PDSS2: variants seen among roughly 807,000 people sequenced by gnomAD.
PDSS2 encodes the protein decaprenyl diphosphate synthase subunit 2, also known as all trans-polyprenyl-diphosphate synthase PDSS2.
Under a neutral mutation model 44.5 loss-of-function variants are expected in PDSS2, and 31 were observed. The ratio of observed to expected loss-of-function variants is 0.70; its 90% CI spans 0.52 to 0.94. The LOEUF (loss-of-function observed/expected upper bound fraction) is 0.94, where lower values mean the gene tolerates loss of function less well. Ranked by LOEUF, PDSS2 falls within the 40% of genes least tolerant of loss-of-function variation. PDSS2 has a pLI of 0.00. For synonymous variants in PDSS2, 157 were observed against 180.3 expected, an observed-to-expected ratio of 0.87 and a Z score of 1.03; for missense variants, 452 against 482.2, an observed-to-expected ratio of 0.94 and a Z score of 0.59.
rs1771733747 is a variant in PDSS2 at position 107,174,930 on chromosome 6, CTT to C, written c.1041+18890_1041+18891del. 2.0e-5 allele frequency among the ~76,000 whole-genome samples: 3 copies of C among 152,158 alleles called. 1 individual carries two copies. Among genetic ancestry groups the C allele is most frequent in the African/African-American group, 7.2e-5 (3 of 41,542 alleles). ...CCCAGCACTGTTCTAAGATCTCTCT[CTT>C]GGCCAGGTGTGGTGGTTCACGCCAG... On this transcript the variant is annotated intron_variant, in intron 7 of 7. Coordinates refer to ENST00000369037, the MANE Select transcript of PDSS2 (RefSeq NM_020381.4).
chr6:107,280,353 T>A (rs555994167), intron 2 of PDSS2, among the ~76,000 whole-genome samples: 1 of 152,182 alleles, frequency 6.6e-6, no homozygotes, highest in Non-Finnish European at 1.5e-5. Flanking sequence ...TAAGCCACTA[T>A]GCTGGGCCCT....
rs1364421384 is a variant in PDSS2, at chr6:107,212,357, A to C, written c.703-75T>G. The C allele has an allele frequency of 2.4e-6, 3 of 1,242,124 alleles. No homozygotes were observed. In the African/African-American group the frequency reaches 4.5e-5, roughly 19 times the overall value. 76.9% of individuals were successfully genotyped at this position (1,242,124 alleles called of 1,614,324 possible). On this transcript the variant is annotated intron_variant, in intron 4 of 7. Transcript: ENST00000369037. ...ATTGTTTCTGTTTTTGAAGAATAAAAAAGTTAAGAAACGAACTATTCAAAA... is the reference window on the plus strand; with the variant it reads ...ATTGTTTCTGTTTTTGAAGAATAAACAAGTTAAGAAACGAACTATTCAAAA...
At chr6:107,198,489 A>T (rs1395877780) in intron 6 of PDSS2, among the ~76,000 whole-genome samples, 1 of 152,226 alleles carries the variant, frequency 6.6e-6, no homozygotes, top group African/African-American at 2.4e-5. Context: ...TAGCTTGTAC[A>T]TAAAAGTATC....
At chr6:107,336,823 GTGGTGTGT>G (rs1301903306) in intron 1 of PDSS2, among the ~76,000 whole-genome samples, 1 of 131,256 alleles carries the variant, frequency 7.6e-6, no homozygotes, top group East Asian at 2.3e-4. Flanking sequence ...AAAGAGGTGT[GTGGTGTGT>G]GTGTGTGTGT....
chr6:107,182,200 A>T (rs1050478806), intron 7 of PDSS2, among the ~76,000 whole-genome samples: 7 of 152,226 alleles, frequency 4.6e-5, no homozygotes, highest in South Asian at 2.1e-4. Flanking sequence ...GACTAGCTTG[A>T]TGATAGGAAT....
Position 107,212,198 on chromosome 6 carries a change from A to G in PDSS2, c.787T>C (p.Cys263Arg). 3.7e-6 allele frequency: 6 copies of G among 1,613,994 alleles called. No individual in the cohort carries two copies. The highest frequency in any genetic ancestry group is 5.1e-6 in the Non-Finnish European group (6 of 1,179,872). The change falls in exon 5 of 8, where the codon TGC becomes CGC. Residue 263 changes from cysteine to arginine, a missense_variant. Physicochemically the swap from Cys to Arg is radical, Grantham distance 180. Coordinates refer to ENST00000369037, the MANE Select transcript of PDSS2 (RefSeq NM_020381.4). Reference sequence around the variant, plus strand: ...TTTGCTAATTCCATTGCAGCTTGGCAGCTCTTTGCTAGTAAGGCACCATGG... The same window carrying G: ...TTTGCTAATTCCATTGCAGCTTGGCGGCTCTTTGCTAGTAAGGCACCATGG... ...LSHGALLAKS[C>R]QAAMELAKHD...
intron 2 of PDSS2, among the ~76,000 whole-genome samples, chr6:107,294,270 T>C (rs1411766870): frequency 6.6e-6 from 1 of 152,104 alleles, no homozygotes; most frequent in African/African-American, 2.4e-5. Flanking sequence ...AGTGAGAAGC[T>C]TAAAATTAGA....
intron 7 of PDSS2, among the ~76,000 whole-genome samples, chr6:107,162,625 T>TTTTTTTTTTTA (rs1771186804): frequency 1.4e-5 from 2 of 147,742 alleles, no homozygotes; most frequent in Admixed American, 6.7e-5. Context: ...TTTTTTTTTT[T>TTTTTTTTTTTA]GAGATGGAGT....
At chr6:107,162,380 C>T (rs1340429112) in intron 7 of PDSS2, among the ~76,000 whole-genome samples, 2 of 149,754 alleles carry the variant, frequency 1.3e-5, no homozygotes, top group Non-Finnish European at 3.0e-5. Context: ...GTAATCCCAG[C>T]TACTTGGGAG....
rs1770792671 is a variant in PDSS2 at position 107,153,907 on chromosome 6, C to T, written c.*712G>A. 1 of 152,448 alleles carries T rather than the reference C, an allele frequency of 6.6e-6. No individual in the cohort carries two copies. Among genetic ancestry groups the T allele is most frequent in the Non-Finnish European group, 1.5e-5 (1 of 68,342 alleles). The allele number at this position is 152,448 out of a possible 1,614,324, so 9.4% of individuals were successfully genotyped here. ...CCTGACCAACATAGTGAAACCCCAT[C>T]TCTACTAAAAATACAAAATTAGCCA... On this transcript the variant is annotated 3_prime_UTR_variant, in exon 8 of 8. Coordinates refer to ENST00000369037, the MANE Select transcript of PDSS2 (RefSeq NM_020381.4).
rs13205549 is a variant in PDSS2, at chr6:107,159,020, C to A, written c.1042-4243G>T. Among the ~76,000 whole-genome samples the A allele has an allele frequency of 4.6e-3, 699 of 152,238 alleles. 3 individuals are homozygous for A. Among genetic ancestry groups the A allele is most frequent in the Non-Finnish European group, 7.5e-3 (510 of 68,022 alleles). On this transcript the variant is annotated intron_variant, in intron 7 of 7. Coordinates refer to ENST00000369037, the MANE Select transcript of PDSS2 (RefSeq NM_020381.4). Reference sequence around the variant, plus strand: ...CTGAGATTACAGGCGTGAGCCACTGCGCCCGGCCTTAACTGTTCTCAGTTC... The same window carrying A: ...CTGAGATTACAGGCGTGAGCCACTGAGCCCGGCCTTAACTGTTCTCAGTTC...
intron 4 of PDSS2, among the ~76,000 whole-genome samples, chr6:107,244,111 A>G (rs374261247): frequency 1.2e-3 from 189 of 152,294 alleles, no homozygotes; most frequent in African/African-American, 4.3e-3. Context: ...CTGGGCAACA[A>G]GAGCGAAACT....
At chr6:107,175,868 C>T (rs553915236) in intron 7 of PDSS2, among the ~76,000 whole-genome samples, 3 of 152,064 alleles carry the variant, frequency 2.0e-5, no homozygotes, top group Non-Finnish European at 4.4e-5. Flanking sequence ...TTATCTCATC[C>T]GCCACTGAGT....
intron 1 of PDSS2, among the ~76,000 whole-genome samples, chr6:107,349,681 G>A (rs1268473884): frequency 6.6e-6 from 1 of 152,042 alleles, no homozygotes; most frequent in Non-Finnish European, 1.5e-5. Flanking sequence ...CCCGGGAGGA[G>A]GAGGTTGTAG....
chr6:107,301,150 A>C (rs558731733), intron 2 of PDSS2, among the ~76,000 whole-genome samples: 1 of 152,334 alleles, frequency 6.6e-6, no homozygotes, highest in East Asian at 1.9e-4. Flanking sequence ...TATAGTATAT[A>C]AATTGTGATT....
chr6:107,269,032 T>C (rs866595469), intron 3 of PDSS2, among the ~76,000 whole-genome samples: 20 of 151,804 alleles, frequency 1.3e-4, no homozygotes, highest in African/African-American at 2.9e-4. Flanking sequence ...CTCAGCCTCC[T>C]GGGTTCAAGC....
chr6:107,295,504 G>T (rs1027465148), intron 2 of PDSS2, among the ~76,000 whole-genome samples: 1 of 152,168 alleles, frequency 6.6e-6, no homozygotes. Context: ...AGTGTCCCCC[G>T]CGTTGGCTAA....
At chr6:107,338,142 A>G (rs139467507) in intron 1 of PDSS2, among the ~76,000 whole-genome samples, 5 of 152,354 alleles carry the variant, frequency 3.3e-5, no homozygotes, top group Non-Finnish European at 5.9e-5. Flanking sequence ...GCTCACAACC[A>G]AAAGAGAATA....
At chr6:107,173,581 A>AAAAC (rs1378466866) in intron 7 of PDSS2, among the ~76,000 whole-genome samples, 1 of 147,742 alleles carries the variant, frequency 6.8e-6, no homozygotes, top group Non-Finnish European at 1.5e-5. Flanking sequence ...TCAAAAAAAA[A>AAAAC]AAAAAAAAAA....
Sources: allele counts gnomAD v4.1 joint callset (sites outside exome capture counted in the v4.1 genomes callset), GRCh38; gene constraint gnomAD v4.1.1; transcripts MANE v1.5; gene names NCBI Gene and HGNC (gene_info 2026-07-23, HGNC 2026-07-21).